The following PFKP variants were observed in gnomAD, a reference collection of about 807,000 sequenced individuals.
PFKP encodes the protein ATP-dependent 6-phosphofructokinase, platelet type.
PFKP carries 101 observed loss-of-function variants against 94.3 expected under a neutral mutation model. That is an observed-to-expected ratio of 1.07 (90% confidence interval 0.91 to 1.26). The LOEUF (loss-of-function observed/expected upper bound fraction) is 1.26, where lower values mean the gene tolerates loss of function less well. Ranked by LOEUF, PFKP falls within the 50% of genes most tolerant of loss-of-function variation. PFKP has a pLI of 0.00. For missense variants in PFKP, 1,145 were observed against 1,103.3 expected (o/e 1.04, Z -0.53); for synonymous variants, 573 against 432.6 (o/e 1.32, Z -4.03).
chr10:3,125,979 C>T (rs1837904595), intron 16 of PFKP, among the ~76,000 whole-genome samples: 1 of 152,208 alleles, frequency 6.6e-6, no homozygotes, highest in Non-Finnish European at 1.5e-5. Context: ...GAGGGACCCA[C>T]AGCAAAGCAG....
chr10:3,136,728 T>TGTCTGTGGA lies in PFKP; in HGVS notation c.*152_*160dup. The stretch of plus-strand genomic sequence containing the variant: ...CTGCCCCACCTGCTCCAGTGCGTGC[T>TGTCTGTGGA]GTCTGTGGAGTGTGTCTCATGCTTT... On this transcript the variant is annotated 3_prime_UTR_variant, in exon 22 of 22. Coordinates refer to ENST00000381125, the MANE Select transcript of PFKP (RefSeq NM_002627.5). 1 of 703,708 alleles carries TGTCTGTGGA rather than the reference T, an allele frequency of 1.4e-6. No individual in the cohort carries two copies. The allele number at this position is 703,708 out of a possible 1,614,324, so 43.6% of individuals were successfully genotyped here.
At chr10:3,122,483 C>A (rs1837527170) in intron 16 of PFKP, among the ~76,000 whole-genome samples, 4 of 152,210 alleles carry the variant, frequency 2.6e-5, no homozygotes. Flanking sequence ...AGTGTGAATC[C>A]TGAGAAGGTT....
At chr10:3,076,026 A>T (rs1832558095) in intron 1 of PFKP, among the ~76,000 whole-genome samples, 1 of 140,050 alleles carries the variant, frequency 7.1e-6, no homozygotes, top group Admixed American at 7.4e-5. Flanking sequence ...TCAAAAAAAA[A>T]AAAAAAAAAA....
chr10:3,135,592 C>G, intron 20 of PFKP, 144 bp from the exon 21 acceptor site: 1 of 586,508 alleles, frequency 1.7e-6, no homozygotes, highest in South Asian at 2.1e-5. Context: ...CCCCACTGCG[C>G]GGCTGTTCTC....
chr10:3,075,306 T>TG (rs903484944), intron 1 of PFKP, among the ~76,000 whole-genome samples: 12 of 152,020 alleles, frequency 7.9e-5, no homozygotes, highest in Middle Eastern at 3.4e-3. Flanking sequence ...TGGCCAGATT[T>TG]GGGGGGGCCT....
chr10:3,112,273 C>A lies in PFKP; in HGVS notation c.1141C>A (p.Arg381=), dbSNP rs575893132. Residue 381 remains arginine (R), a synonymous_variant, in exon 11 of 22, where the codon CGA becomes AGA. Transcript: ENST00000381125. The stretch of plus-strand genomic sequence containing the variant: ...CGAGAGGAGATTTCAAGATGCGGTT[C>A]GACTCCGAGGGAGGTGAGGTGCTTT... ...MDERRFQDAV[R]LRGRSFAGNL... 3.1e-6 allele frequency: 5 copies of A among 1,613,378 alleles called. No individual in the cohort carries two copies. Among genetic ancestry groups the A allele is most frequent in the Non-Finnish European group, 1.7e-6 (2 of 1,179,304 alleles).
intron 6 of PFKP, 96 bp downstream of exon 6, chr10:3,105,255 T>A: frequency 7.3e-7 from 1 of 1,373,234 alleles, no homozygotes; most frequent in South Asian, 1.2e-5. Flanking sequence ...AATGCTCCCG[T>A]GGAAAGTCCT....
chr10:3,111,172 G>A (rs529974318), intron 10 of PFKP, among the ~76,000 whole-genome samples: 155 of 152,248 alleles, frequency 1.0e-3, no homozygotes, highest in African/African-American at 3.6e-3. Context: ...ATATGGATGT[G>A]TGTGTATGTT....
At chr10:3,124,803 C>G (rs1837760429) in intron 16 of PFKP, among the ~76,000 whole-genome samples, 1 of 152,080 alleles carries the variant, frequency 6.6e-6, no homozygotes, top group African/African-American at 2.4e-5. Context: ...TCGTGACTAA[C>G]TCGCCGTTGC....
At chr10:3,118,196 C>T (rs918050163) in intron 14 of PFKP, among the ~76,000 whole-genome samples, 7 of 152,160 alleles carry the variant, frequency 4.6e-5, no homozygotes, top group South Asian at 4.2e-4. Flanking sequence ...TTATTGGGCA[C>T]GGCGGCTCAC....
chr10:3,090,721 G>T (rs1440442738), intron 2 of PFKP, among the ~76,000 whole-genome samples: 1 of 152,180 alleles, frequency 6.6e-6, no homozygotes, highest in Non-Finnish European at 1.5e-5. Flanking sequence ...GACAGTCAAA[G>T]ATGTCCTTAC....
At chr10:3,125,437 T>C (rs1285415547) in intron 16 of PFKP, among the ~76,000 whole-genome samples, 1 of 152,186 alleles carries the variant, frequency 6.6e-6, no homozygotes, top group Non-Finnish European at 1.5e-5. Context: ...AGCCTGTCTT[T>C]ATTGATTAAA....
chr10:3,129,913 T>C lies in PFKP; in HGVS notation c.1778T>C (p.Met593Thr), dbSNP rs1564352830. The change falls in exon 17 of 22, where the codon ATG (methionine) becomes ACG (threonine). Residue 593 changes from methionine (M) to threonine (T), a missense_variant. By Grantham distance (81) the Met-to-Thr change is moderately conservative. Coordinates refer to ENST00000381125, the MANE Select transcript of PFKP (RefSeq NM_002627.5). The part of the protein sequence containing the change: ...MGGYCGYLAN[M>T]GGLAAGADAA... ...GGCTACTGTGGCTACCTGGCCAACA[T>C]GGGGGGGCTCGCGGCCGGAGCTGAT... 3 of 1,611,616 alleles carry C rather than the reference T, an allele frequency of 1.9e-6. No individual in the cohort carries two copies. Among genetic ancestry groups the C allele is most frequent in the Admixed American group, 1.7e-5 (1 of 59,828 alleles).
chr10:3,126,029 AGCAGCCACTG>A (rs1203285872), intron 16 of PFKP, among the ~76,000 whole-genome samples: 3 of 152,236 alleles, frequency 2.0e-5, no homozygotes, highest in Non-Finnish European at 2.9e-5. Flanking sequence ...GTGCGGGGAC[AGCAGCCACTG>A]GCCTTTACCT....
At chr10:3,113,855 G>A (rs975153808) in intron 13 of PFKP, among the ~76,000 whole-genome samples, 1 of 152,140 alleles carries the variant, frequency 6.6e-6, no homozygotes, top group East Asian at 1.9e-4. Flanking sequence ...GGCACTGGAG[G>A]GAAAGCAGGC....
Position 3,133,193 on chromosome 10 carries a change from C to G in PFKP, c.1911-10C>G. 1 of 1,605,776 alleles carries G rather than the reference C, an allele frequency of 6.2e-7. No individual in the cohort carries two copies. The highest frequency in any genetic ancestry group is 8.5e-7 in the Non-Finnish European group (1 of 1,172,480). ...CGCTAAACAAAGTGACTCCTTCTCG[C>G]TCGTTTCAGAAATGAGAGCTGCAGT... On this transcript the variant is annotated splice_polypyrimidine_tract_variant and intron_variant, in intron 18 of 21. Coordinates refer to ENST00000381125, the MANE Select transcript of PFKP (RefSeq NM_002627.5).
intron 2 of PFKP, among the ~76,000 whole-genome samples, chr10:3,086,866 A>T (rs1002657653): frequency 5.9e-5 from 9 of 152,126 alleles, no homozygotes; most frequent in Admixed American, 5.9e-4. Flanking sequence ...GGTGGGATTC[A>T]GATGTCCTCA....
intron 1 of PFKP, among the ~76,000 whole-genome samples, chr10:3,070,071 C>G (rs1016121028): frequency 3.9e-5 from 6 of 152,244 alleles, no homozygotes; most frequent in Non-Finnish European, 7.3e-5. Flanking sequence ...ATGGTGGCCT[C>G]GAGCCCACAT....
At chr10:3,115,598 G>A (rs1470558029) in intron 13 of PFKP, among the ~76,000 whole-genome samples, 1 of 152,186 alleles carries the variant, frequency 6.6e-6, no homozygotes, top group Non-Finnish European at 1.5e-5. Context: ...CAGGGTGAAG[G>A]TGTGTGTCCC....
Sources: allele counts gnomAD v4.1 joint callset (sites outside exome capture counted in the v4.1 genomes callset), GRCh38; gene constraint gnomAD v4.1.1; transcripts MANE v1.5; gene names NCBI Gene and HGNC (gene_info 2026-07-23, HGNC 2026-07-21).